Variants in EMILIN2 observed in about 807,000 individuals in gnomAD.
The protein encoded by EMILIN2 is EMILIN-2.
EMILIN2 carries 71 observed loss-of-function variants against 87.1 expected under a neutral mutation model. The observed-to-expected ratio is 0.82, with a 90% CI of 0.67 to 0.99. EMILIN2 has a LOEUF of 0.99. Among genes scored for constraint, EMILIN2 ranks in the 50% least tolerant of loss-of-function variants. The pLI, the probability that EMILIN2 is intolerant of heterozygous loss-of-function variation, is 0.00. For missense variants in EMILIN2, 1,407 were observed against 1,371.8 expected (o/e 1.03, Z -0.40); for synonymous variants, 581 against 563.4 (o/e 1.03, Z -0.44).
intron 3 of EMILIN2, among the ~76,000 whole-genome samples, chr18:2,887,175 A>G (rs2076807217): frequency 6.6e-6 from 1 of 152,042 alleles, no homozygotes; most frequent in South Asian, 2.1e-4. Context: ...AATAGTGCTC[A>G]GTTTTTCTCT....
intron 7 of EMILIN2, among the ~76,000 whole-genome samples, chr18:2,910,020 C>T (rs562987917): frequency 4.0e-4 from 61 of 152,358 alleles, no homozygotes; most frequent in African/African-American, 1.4e-3. Context: ...TCGAGGGCTG[C>T]AGGCTGCATG....
intron 7 of EMILIN2, 39 bp from the exon 8 acceptor site, chr18:2,913,026 ACG>A (rs749003168): frequency 2.5e-6 from 4 of 1,595,318 alleles, no homozygotes; most frequent in Admixed American, 3.3e-5. Flanking sequence ...AAGGGCTGTG[ACG>A]ACAGCAGGTG....
At chr18:2,888,137 G>T (rs536158223) in intron 3 of EMILIN2, among the ~76,000 whole-genome samples, 1 of 152,092 alleles carries the variant, frequency 6.6e-6, no homozygotes, top group Non-Finnish European at 1.5e-5. Context: ...ATATGAATAT[G>T]CATCTTTTCC....
chr18:2,863,078 C>T (rs1329467819), intron 2 of EMILIN2, among the ~76,000 whole-genome samples: 1 of 152,126 alleles, frequency 6.6e-6, no homozygotes, highest in African/African-American at 2.4e-5. Context: ...TCCCCTTTAT[C>T]ATTTTCTATT....
At position 2,906,891 on chromosome 18, in the gene EMILIN2, G is replaced by C. The variant is rs755255327; in HGVS notation, c.2468G>C (p.Arg823Pro). 2.2e-6 allele frequency: 3 copies of C among 1,393,270 alleles called. No homozygotes were observed. The highest frequency in any genetic ancestry group is 1.9e-6 in the Non-Finnish European group (2 of 1,071,796). The allele number at this position is 1,393,270 out of a possible 1,614,324, so 86.3% of individuals were successfully genotyped here. ...GPATAEDPGR[R>P]PVLPQRPPEE... is the part of the protein sequence containing the mutation. ...GCAACCGCAGAGGACCCTGGGCGACGGCCCGTCCTGCCCCAGCGGCCCCCC... is the reference window on the plus strand; with the variant it reads ...GCAACCGCAGAGGACCCTGGGCGACCGCCCGTCCTGCCCCAGCGGCCCCCC... Residue 823 changes from arginine (R) to proline (P), a missense_variant, in exon 5 of 8, where the codon CGG becomes CCG. Arg to Pro is a moderately radical substitution (Grantham distance 103). Transcript: ENST00000254528.
intron 3 of EMILIN2, among the ~76,000 whole-genome samples, chr18:2,887,654 A>G (rs1223048597): frequency 6.6e-6 from 1 of 152,144 alleles, no homozygotes; most frequent in Non-Finnish European, 1.5e-5. Context: ...GCAGTTGCTG[A>G]CACCATGTTT....
Position 2,888,286 on chromosome 18 carries a change from C to T in EMILIN2, c.434-2275C>T, listed in dbSNP as rs562151848. On this transcript the variant is annotated intron_variant, in intron 3 of 7. Coordinates refer to ENST00000254528, the MANE Select transcript of EMILIN2 (RefSeq NM_032048.3). The stretch of plus-strand genomic sequence containing the variant: ...AAAAAAATGCAATTTGCACAGTCAC[C>T]GTGGTATATGAGCAAAGCATTTCCT... Among the ~76,000 whole-genome samples, 42 of 152,242 alleles carry T rather than the reference C, an allele frequency of 2.8e-4. 1 individual carries two copies. In the East Asian group the frequency reaches 4.0e-3, roughly 15 times the overall value.
At chr18:2,865,978 C>G (rs531175168) in intron 2 of EMILIN2, among the ~76,000 whole-genome samples, 3 of 152,196 alleles carry the variant, frequency 2.0e-5, no homozygotes. Context: ...TAGCAATGAG[C>G]GAGGCTTCAT....
chr18:2,867,418 T>C (rs538516594), intron 2 of EMILIN2, among the ~76,000 whole-genome samples: 22 of 152,266 alleles, frequency 1.4e-4, no homozygotes, highest in African/African-American at 5.3e-4. Context: ...GGCAGGGTCA[T>C]AGGACAATAG....
intron 2 of EMILIN2, among the ~76,000 whole-genome samples, chr18:2,875,129 G>A (rs1329990439): frequency 1.3e-5 from 2 of 152,198 alleles, no homozygotes; most frequent in South Asian, 2.1e-4. Context: ...ACCAGTGAAA[G>A]CCCAGGTCAA....
intron 3 of EMILIN2, among the ~76,000 whole-genome samples, chr18:2,886,773 G>A (rs1460034004): frequency 2.6e-5 from 4 of 152,060 alleles, no homozygotes; most frequent in Non-Finnish European, 4.4e-5. Context: ...TTTTTCCTTT[G>A]CTTAGTTTTC....
Position 2,913,390 on chromosome 18 carries a change from C to CT in EMILIN2, c.3151dup (p.Ser1051PhefsTer16). On this transcript the variant is annotated frameshift_variant, in exon 8 of 8. Coordinates refer to ENST00000254528, the MANE Select transcript of EMILIN2 (RefSeq NM_032048.3). LOFTEE classifies it high-confidence loss of function. ...TAGTGGGGTTTTCTTATATCCTTTC[C>CT]TTTCCCACCTCTAAGGTGGCTGGGG... 1 of 1,599,606 alleles carries CT rather than the reference C, an allele frequency of 6.3e-7. No homozygotes were observed. Among genetic ancestry groups the CT allele is most frequent in the Non-Finnish European group, 8.5e-7 (1 of 1,173,284 alleles).
At chr18:2,887,046 T>C (rs1303740691) in intron 3 of EMILIN2, among the ~76,000 whole-genome samples, 2 of 152,236 alleles carry the variant, frequency 1.3e-5, no homozygotes, top group African/African-American at 4.8e-5. Context: ...TGTCCTTTAG[T>C]AGCTTCATGA....
intron 2 of EMILIN2, among the ~76,000 whole-genome samples, chr18:2,864,712 A>G (rs375606631): frequency 1.3e-5 from 2 of 152,006 alleles, no homozygotes; most frequent in African/African-American, 2.4e-5. Context: ...TGCTCTTCTC[A>G]AGGAGTCTCT....
Position 2,914,828 on chromosome 18 carries a change from G to GT in EMILIN2, c.*1427dup. 1 of 152,330 alleles carries GT rather than the reference G, an allele frequency of 6.6e-6. No individual in the cohort carries two copies. The highest frequency in any genetic ancestry group is 2.1e-4 in the South Asian group (1 of 4,826). The allele number at this position is 152,330 out of a possible 1,614,324, so 9.4% of individuals were successfully genotyped here. On this transcript the variant is annotated 3_prime_UTR_variant, in exon 8 of 8. Transcript: ENST00000254528. ...CTAGGAAGACCAGCAAGAACTAAAGGTTTGCCGTTTTACTATTTAAAATGT... is the reference window on the plus strand; with the variant it reads ...CTAGGAAGACCAGCAAGAACTAAAGGTTTTGCCGTTTTACTATTTAAAATGT...
At position 2,906,849 on chromosome 18, in the gene EMILIN2, C is replaced by T; in HGVS notation, c.2426C>T (p.Pro809Leu). The T allele has an allele frequency of 2.2e-6, 3 of 1,350,052 alleles. No homozygotes were observed. The highest frequency in any genetic ancestry group is 2.9e-6 in the Non-Finnish European group (3 of 1,051,894). The allele number at this position is 1,350,052 out of a possible 1,614,324, so 83.6% of individuals were successfully genotyped here. A position where few individuals can be genotyped will look rare whatever the true frequency, so the allele number is the denominator to read the frequency against. Reference sequence around the variant, plus strand: ...CCGCTGCAGCCCGAGCCCGCCCCGCCGAGGCCCAGCGGCCCCGCAACCGCA... The same window carrying T: ...CCGCTGCAGCCCGAGCCCGCCCCGCTGAGGCCCAGCGGCCCCGCAACCGCA... ...KEPLQPEPAPPRPSGPATAED... is the reference protein window; with the variant it reads ...KEPLQPEPAPLRPSGPATAED... The change falls in exon 5 of 8, where the codon CCG (proline) becomes CTG (leucine). Residue 809 changes from proline to leucine, a missense_variant. Pro to Leu is a moderately conservative substitution (Grantham distance 98, BLOSUM62 -3). Transcript: ENST00000254528.
chr18:2,853,129 T>G (rs1386354017), intron 2 of EMILIN2, among the ~76,000 whole-genome samples: 1 of 152,218 alleles, frequency 6.6e-6, no homozygotes, highest in South Asian at 2.1e-4. Flanking sequence ...GCATTTACCA[T>G]TCAGTCCTAG....
chr18:2,898,171 T>A (rs2076872311), intron 4 of EMILIN2, among the ~76,000 whole-genome samples: 1 of 152,188 alleles, frequency 6.6e-6, no homozygotes. Context: ...CGAGTCTGAG[T>A]GACCCATGAG....
Position 2,907,016 on chromosome 18 carries a change from C to T in EMILIN2, c.2593C>T (p.Pro865Ser). Residue 865 changes from proline to serine, a missense_variant, in exon 5 of 8, where the codon CCG (proline) becomes TCG (serine). Pro to Ser is a moderately conservative substitution (Grantham distance 74). Transcript: ENST00000254528. The stretch of plus-strand genomic sequence containing the variant: ...CGCAGGCGTGTCTGGGCGGGGTCTG[C>T]CGCGGGGCGTGGACGGCCAGACCGG... Reference protein sequence around the residue: ...AGAGVSGRGLPRGVDGQTGSG... With the variant: ...AGAGVSGRGLSRGVDGQTGSG... 7.6e-7 allele frequency: 1 copy of T among 1,323,162 alleles called. No homozygotes were observed. The highest frequency in any genetic ancestry group is 1.5e-5 in the African/African-American group (1 of 65,346). The allele number at this position is 1,323,162 out of a possible 1,614,324, so 82.0% of individuals were successfully genotyped here.
Sources: allele counts gnomAD v4.1 joint callset (sites outside exome capture counted in the v4.1 genomes callset), GRCh38; gene constraint gnomAD v4.1.1; transcripts MANE v1.5; gene names NCBI Gene and HGNC (gene_info 2026-07-23, HGNC 2026-07-21).